Variants in XRCC4 observed in about 807,000 individuals in gnomAD.
XRCC4 encodes X-ray repair cross complementing 4.
In XRCC4, 28 loss-of-function variants were observed where a neutral mutation model predicts 39.1. The observed-to-expected ratio is 0.72, with a 90% CI of 0.53 to 0.98. The LOEUF (loss-of-function observed/expected upper bound fraction) is 0.98, where lower values mean the gene tolerates loss of function less well. Ranked by LOEUF, XRCC4 falls within the 50% of genes least tolerant of loss-of-function variation. The pLI is 0.00. For missense variants in XRCC4, 350 were observed against 376.4 expected, an observed-to-expected ratio of 0.93 and a Z score of 0.58; for synonymous variants, 123 against 126.4, an observed-to-expected ratio of 0.97 and a Z score of 0.18.
At chr5:83,252,025 G>A (rs1753340382) in intron 6 of XRCC4, among the ~76,000 whole-genome samples, 1 of 152,202 alleles carries the variant, frequency 6.6e-6, no homozygotes, top group Admixed American at 6.5e-5. Flanking sequence ...GGTCAGATTA[G>A]AAATTTACTA....
At chr5:83,097,337 T>C (rs1273684978) in intron 1 of XRCC4, among the ~76,000 whole-genome samples, 4 of 142,642 alleles carry the variant, frequency 2.8e-5, no homozygotes, top group South Asian at 2.2e-4. Flanking sequence ...TTTGAGGATA[T>C]GTTATAGGTT....
intron 6 of XRCC4, among the ~76,000 whole-genome samples, chr5:83,240,606 T>C (rs533632655): frequency 2.0e-5 from 3 of 152,238 alleles, no homozygotes; most frequent in Admixed American, 6.5e-5. Flanking sequence ...TATTGAACTC[T>C]TACTTTGGGG....
intron 3 of XRCC4, among the ~76,000 whole-genome samples, chr5:83,138,252 C>T (rs888595988): frequency 6.6e-6 from 1 of 152,076 alleles, no homozygotes; most frequent in Non-Finnish European, 1.5e-5. Flanking sequence ...AAAACTGTTT[C>T]CCATTACAAG....
At chr5:83,207,722 CAATT>C (rs757550496) in intron 6 of XRCC4, among the ~76,000 whole-genome samples, 34 of 152,108 alleles carry the variant, frequency 2.2e-4, no homozygotes, top group Non-Finnish European at 3.4e-4. Context: ...CCAGTTTCCA[CAATT>C]AATTCTTCTA....
intron 7 of XRCC4, among the ~76,000 whole-genome samples, chr5:83,321,449 G>A (rs1400326680): frequency 6.6e-6 from 1 of 152,038 alleles, no homozygotes; most frequent in African/African-American, 2.4e-5. Flanking sequence ...AGAGCTTTTT[G>A]ATTCTTACCC....
intron 7 of XRCC4, among the ~76,000 whole-genome samples, chr5:83,347,838 C>G (rs1032648920): frequency 2.0e-5 from 3 of 152,162 alleles, no homozygotes; most frequent in African/African-American, 4.8e-5. Flanking sequence ...CCTATAAAAT[C>G]AAAACCAAGC....
At position 83,204,852 on chromosome 5, in the gene XRCC4, G is replaced by A. The variant is rs748307585; in HGVS notation, c.676G>A (p.Asp226Asn). 6 of 1,612,190 alleles carry A rather than the reference G, an allele frequency of 3.7e-6. No homozygotes were observed. Among genetic ancestry groups the A allele is most frequent in the Non-Finnish European group, 8.5e-7 (1 of 1,178,742 alleles). Residue 226 changes from aspartate (D) to asparagine (N), a missense_variant, in exon 6 of 8, where the codon GAT becomes AAT. Asp to Asn is a conservative substitution (Grantham distance 23, BLOSUM62 1). Coordinates refer to ENST00000396027, the MANE Select transcript of XRCC4 (RefSeq NM_003401.5). ...CTGTTCTGAAATGACTGCTGACCGA[G>A]ATCCAGTCTATGATGAGAGTACTGA... ...AICSEMTADRDPVYDESTDEE... is the reference protein window; with the variant it reads ...AICSEMTADRNPVYDESTDEE...
At chr5:83,310,822 C>T (rs749221259) in intron 7 of XRCC4, 4 of 456,486 alleles carry the variant, frequency 8.8e-6, no homozygotes, top group East Asian at 7.0e-5. Context: ...AGAAAGAGGC[C>T]GTGTGATGGA....
At chr5:83,159,342 G>A (rs930978364) in intron 3 of XRCC4, among the ~76,000 whole-genome samples, 1 of 152,058 alleles carries the variant, frequency 6.6e-6, no homozygotes, top group Non-Finnish European at 1.5e-5. Flanking sequence ...GAGAACATAA[G>A]AAAGTTTGGG....
intron 3 of XRCC4, among the ~76,000 whole-genome samples, chr5:83,150,794 T>C (rs1312779267): frequency 6.6e-6 from 1 of 152,184 alleles, no homozygotes; most frequent in Non-Finnish European, 1.5e-5. Context: ...CTTGAATTGT[T>C]ACCTCCATGA....
chr5:83,091,025 C>A (rs1300667228), intron 1 of XRCC4, among the ~76,000 whole-genome samples: 1 of 152,046 alleles, frequency 6.6e-6, no homozygotes, highest in Non-Finnish European at 1.5e-5. Flanking sequence ...TTATTTGTGG[C>A]AATATTGAAA....
At position 83,243,743 on chromosome 5, in the gene XRCC4, A is replaced by C. The variant is rs181848593; in HGVS notation, c.746-14787A>C. 6.6e-5 allele frequency among the ~76,000 whole-genome samples: 10 copies of C among 152,324 alleles called. No individual in the cohort carries two copies. The East Asian group carries it at 1.9e-3, about 29-fold the overall frequency. On this transcript the variant is annotated intron_variant, in intron 6 of 7. Coordinates refer to ENST00000396027, the MANE Select transcript of XRCC4 (RefSeq NM_003401.5). ...AAAGATACCAGAAGGGAGGCTATTG[A>C]TCCTGAAACCAGTGTCAGCTGGATA... is the stretch of plus-strand genomic sequence containing the variant.
chr5:83,197,850 C>T (rs1751018187), intron 4 of XRCC4, among the ~76,000 whole-genome samples: 1 of 152,086 alleles, frequency 6.6e-6, no homozygotes, highest in African/African-American at 2.4e-5. Flanking sequence ...GAGTCCACTC[C>T]AGAGAATTCT....
At chr5:83,141,119 T>C (rs1342006876) in intron 3 of XRCC4, among the ~76,000 whole-genome samples, 1 of 152,246 alleles carries the variant, frequency 6.6e-6, no homozygotes. Context: ...TGGAAATCAC[T>C]CCATATCAGC....
Position 83,083,375 on chromosome 5 carries a change from A to ATTTTT in XRCC4, c.-11+5775_-11+5779dup, listed in dbSNP as rs576959639. ...ACTTGATTGGGTGTTTGAATCTGTAATTTTTTTTTTTTTTTTTTTGAGATG... is the reference window on the plus strand; with the variant it reads ...ACTTGATTGGGTGTTTGAATCTGTAATTTTTTTTTTTTTTTTTTTTTTTTGAGATG... On this transcript the variant is annotated intron_variant, in intron 1 of 7. Coordinates refer to ENST00000396027, the MANE Select transcript of XRCC4 (RefSeq NM_003401.5). 1.1e-3 allele frequency among the ~76,000 whole-genome samples: 142 copies of ATTTTT among 126,838 alleles called. 3 individuals are homozygous for ATTTTT. The highest frequency in any genetic ancestry group is 3.7e-3 in the African/African-American group (121 of 32,372). 83.2% of individuals were successfully genotyped at this position (126,838 alleles called of 152,430 possible).
At chr5:83,339,563 A>G (rs2112195515) in intron 7 of XRCC4, among the ~76,000 whole-genome samples, 1 of 152,158 alleles carries the variant, frequency 6.6e-6, no homozygotes, top group African/African-American at 2.4e-5. Context: ...CCACCATGGC[A>G]CCTGTATACC....
intron 3 of XRCC4, among the ~76,000 whole-genome samples, chr5:83,125,240 T>C (rs1747202688): frequency 6.6e-6 from 1 of 152,216 alleles, no homozygotes; most frequent in African/African-American, 2.4e-5. Context: ...GGTCTGATCA[T>C]TTTATTAACA....
At chr5:83,214,290 G>A (rs902456721) in intron 6 of XRCC4, among the ~76,000 whole-genome samples, 3 of 152,116 alleles carry the variant, frequency 2.0e-5, no homozygotes, top group Non-Finnish European at 4.4e-5. Flanking sequence ...ATGATCTAGT[G>A]TATAGGAACA....
intron 3 of XRCC4, among the ~76,000 whole-genome samples, chr5:83,160,865 T>A (rs983799871): frequency 2.2e-4 from 34 of 151,434 alleles, no homozygotes; most frequent in Non-Finnish European, 4.1e-4. Context: ...CAAATTTAAA[T>A]TTGGTTACTT....
Sources: gnomAD v4.1 joint callset for allele counts (sites outside exome capture counted in the v4.1 genomes callset) on GRCh38, gnomAD v4.1.1 for gene constraint, MANE v1.5 for transcripts, NCBI Gene and HGNC (gene_info 2026-07-23, HGNC 2026-07-21) for gene names.